RFC3: variants seen among roughly 807,000 people sequenced by gnomAD.
RFC3 encodes A1 38 kDa subunit.
Under a neutral mutation model 45.1 loss-of-function variants are expected in RFC3, and 41 were observed. The observed-to-expected ratio is 0.91, with a 90% CI of 0.71 to 1.18. The LOEUF (loss-of-function observed/expected upper bound fraction) is 1.18. Ranked by LOEUF, RFC3 falls within the 50% of genes most tolerant of loss-of-function variation. RFC3 has a pLI of 0.00. For synonymous variants in RFC3, 149 were observed against 144.0 expected (o/e 1.03, Z -0.25); for missense variants, 423 against 428.1 (o/e 0.99, Z 0.10).
At chr13:33,837,784 T>C (rs895971395), downstream of RFC3, among the ~76,000 whole-genome samples, 1 of 152,042 alleles carries the variant, frequency 6.6e-6, no homozygotes, top group Non-Finnish European at 1.5e-5. Flanking sequence ...ACTTGGAAAT[T>C]TAGATAATTA....
At chr13:33,884,571 G>A (rs751340113) in intron 8 of RFC3, among the ~76,000 whole-genome samples, 2 of 152,148 alleles carry the variant, frequency 1.3e-5, no homozygotes, top group Non-Finnish European at 2.9e-5. Context: ...ACCCTGTTTT[G>A]TTCATAAAGC....
At chr13:33,881,571 C>T (rs1459039725) in intron 8 of RFC3, among the ~76,000 whole-genome samples, 1 of 151,940 alleles carries the variant, frequency 6.6e-6, no homozygotes, top group Non-Finnish European at 1.5e-5. Context: ...CAGACCTTTA[C>T]TTTCAGTAGG....
At chr13:33,949,490 G>C (rs1340388211) in intron 8 of RFC3, among the ~76,000 whole-genome samples, 2 of 152,146 alleles carry the variant, frequency 1.3e-5, no homozygotes. Context: ...AATAACAATA[G>C]TTTATGTATT....
At position 33,909,207 on chromosome 13, in the gene RFC3, G is replaced by C. The variant is rs563512935; in HGVS notation, c.880-56880G>C. Among the ~76,000 whole-genome samples, 16 of 151,822 alleles carry C rather than the reference G, an allele frequency of 1.1e-4. No individual in the cohort carries two copies. The South Asian group carries it at 3.1e-3, about 30-fold the overall frequency. The stretch of plus-strand genomic sequence containing the variant: ...AAGAGAATTAAAAGCAGGGCTTTAT[G>C]TGGAACCATTAATGTTTCAGACTTG... On this transcript the variant is annotated intron_variant, in intron 8 of 8. Coordinates refer to the RFC3 transcript ENST00000434425.
chr13:33,893,895 A>T, intron 8 of RFC3, among the ~76,000 whole-genome samples: 1 of 152,124 alleles, frequency 6.6e-6, no homozygotes, highest in East Asian at 1.9e-4. Context: ...AAATGACCAA[A>T]TCTAAGAAAT....
chr13:33,904,769 A>T (rs2082662024), intron 8 of RFC3, among the ~76,000 whole-genome samples: 1 of 151,960 alleles, frequency 6.6e-6, no homozygotes, highest in Non-Finnish European at 1.5e-5. Context: ...CTCCCAGGTG[A>T]CTTCCTCAGA....
intron 8 of RFC3, among the ~76,000 whole-genome samples, chr13:33,877,668 A>G (rs2137586175): frequency 6.7e-6 from 1 of 150,352 alleles, no homozygotes; most frequent in South Asian, 2.1e-4. Flanking sequence ...ACATTGTATT[A>G]TGATGGATTA....
chr13:33,818,168 C>G lies in RFC3; in HGVS notation c.-11C>G, dbSNP rs760085394. Reference sequence around the variant, plus strand: ...ATTTTCAAGCGTAGGCCCCCGGGAACTCGAGCTGCCATGAGCCTCTGGGTG... The same window carrying G: ...ATTTTCAAGCGTAGGCCCCCGGGAAGTCGAGCTGCCATGAGCCTCTGGGTG... On this transcript the variant is annotated 5_prime_UTR_variant, in exon 1 of 9. Transcript: ENST00000380071. The G allele has an allele frequency of 6.2e-6, 10 of 1,610,506 alleles. No individual in the cohort carries two copies. In the East Asian group the frequency reaches 9.0e-5, roughly 14 times the overall value.
chr13:33,853,927 A>T (rs566089537), intron 8 of RFC3, among the ~76,000 whole-genome samples: 1 of 152,256 alleles, frequency 6.6e-6, no homozygotes, highest in South Asian at 2.1e-4. Context: ...TGCATAAGAG[A>T]TATTCAAAGC....
chr13:33,887,931 A>G (rs1187067893), intron 8 of RFC3, among the ~76,000 whole-genome samples: 1 of 152,290 alleles, frequency 6.6e-6, no homozygotes, highest in Non-Finnish European at 1.5e-5. Flanking sequence ...CAAAGATCAG[A>G]TAGTTGTAGA....
At chr13:33,840,451 C>T (rs1293071947), downstream of RFC3, among the ~76,000 whole-genome samples, 1 of 152,104 alleles carries the variant, frequency 6.6e-6, no homozygotes, top group Admixed American at 6.6e-5. Flanking sequence ...ATTTCTGGAT[C>T]TGTTTCTATT....
the RFC3 span, among the ~76,000 whole-genome samples, chr13:33,973,673 C>G: frequency 7.0e-6 from 1 of 142,604 alleles, no homozygotes; most frequent in Admixed American, 7.0e-5. Context: ...TTTTTTTTGA[C>G]AGAGTCTCAC....
intron 8 of RFC3, among the ~76,000 whole-genome samples, chr13:33,961,317 T>C (rs545483894): frequency 5.6e-4 from 86 of 152,324 alleles, no homozygotes; most frequent in African/African-American, 2.0e-3. Flanking sequence ...CCTCCATTAC[T>C]TCCAATCTAA....
In RFC3 at chr13:33,925,532, A is replaced by ATAGTG. The variant is rs1228457002; in HGVS notation, c.880-40553_880-40552insGTGTA. ...CATACATAGTGTACTATATACATACATACATAGTGTACTATATACATACAT... is the reference window on the plus strand; with the variant it reads ...CATACATAGTGTACTATATACATACATAGTGTACATAGTGTACTATATACATACAT... On this transcript the variant is annotated intron_variant, in intron 8 of 8. Transcript: ENST00000434425. 5.9e-4 allele frequency among the ~76,000 whole-genome samples: 86 copies of ATAGTG among 146,930 alleles called. 3 individuals are homozygous for ATAGTG. Among genetic ancestry groups the ATAGTG allele is most frequent in the African/African-American group, 1.7e-3 (68 of 40,134 alleles).
chr13:33,823,377 A>G (rs1027132361), intron 2 of RFC3, among the ~76,000 whole-genome samples: 2 of 152,160 alleles, frequency 1.3e-5, no homozygotes, highest in Non-Finnish European at 2.9e-5. Context: ...AGTTCAGAAA[A>G]CAAAATGTCC....
downstream of RFC3, among the ~76,000 whole-genome samples, chr13:33,840,388 T>C (rs2082188957): frequency 6.6e-6 from 1 of 152,170 alleles, no homozygotes; most frequent in Non-Finnish European, 1.5e-5. Context: ...TTTAAATCTT[T>C]TGAACATATT....
At chr13:33,906,393 T>G (rs2082671839) in intron 8 of RFC3, among the ~76,000 whole-genome samples, 1 of 151,774 alleles carries the variant, frequency 6.6e-6, no homozygotes, top group African/African-American at 2.4e-5. Context: ...TCAGTAACAT[T>G]GGATCCAGCT....
chr13:33,915,196 C>T (rs1470380804), intron 8 of RFC3, among the ~76,000 whole-genome samples: 1 of 152,160 alleles, frequency 6.6e-6, no homozygotes, highest in Non-Finnish European at 1.5e-5. Flanking sequence ...TCAACTGCTG[C>T]TGCTTTTCAA....
chr13:33,945,700 G>T (rs1483755879), intron 8 of RFC3, among the ~76,000 whole-genome samples: 1 of 152,174 alleles, frequency 6.6e-6, no homozygotes, highest in Non-Finnish European at 1.5e-5. Flanking sequence ...AGGGATATAC[G>T]CTGCCTGATA....
Sources: allele counts gnomAD v4.1 joint callset (sites outside exome capture counted in the v4.1 genomes callset), GRCh38; gene constraint gnomAD v4.1.1; transcripts MANE v1.5; gene names NCBI Gene and HGNC (gene_info 2026-07-23, HGNC 2026-07-21).